OPRM1: variants seen among roughly 807,000 people sequenced by gnomAD.
OPRM1 encodes mu-type opioid receptor.
In OPRM1, 27 loss-of-function variants were observed where a neutral mutation model predicts 31.8. The ratio of observed to expected loss-of-function variants is 0.85; its 90% CI spans 0.63 to 1.17. The LOEUF is 1.17. OPRM1 is among the 50% of genes most tolerant of loss of function. OPRM1 has a pLI of 0.00. For missense variants in OPRM1, 536 were observed against 511.1 expected (o/e 1.05, Z -0.47); for synonymous variants, 196 against 189.9 (o/e 1.03, Z -0.26).
intron 3 of OPRM1, chr6:154,108,633 G>C (rs1795969144): frequency 8.6e-6 from 2 of 231,586 alleles, no homozygotes; most frequent in African/African-American, 4.7e-5. Context: ...TTAATCCAAA[G>C]AGAATAGCAA....
At chr6:154,067,527 T>C (rs1162822152) in intron 1 of OPRM1, among the ~76,000 whole-genome samples, 2 of 151,882 alleles carry the variant, frequency 1.3e-5, no homozygotes, top group East Asian at 1.9e-4. Flanking sequence ...AGATACTGTA[T>C]ATAATATTTA....
At chr6:154,023,282 A>C (rs1383477960) in intron 1 of OPRM1, among the ~76,000 whole-genome samples, 1 of 152,046 alleles carries the variant, frequency 6.6e-6, no homozygotes, top group East Asian at 1.9e-4. Flanking sequence ...TGGTTAATTT[A>C]ACTCCTAGGT....
rs17174794 is a variant in OPRM1 at position 154,089,975 on chromosome 6, C to G, written c.440C>G (p.Ser147Cys). Residue 147 changes from serine (S) to cysteine (C), a missense_variant, in exon 2 of 4, where the codon TCC (serine) becomes TGC (cysteine). By Grantham distance (112) the Ser-to-Cys change is moderately radical (BLOSUM62 -1). Transcript: ENST00000330432. ...FGTILCKIVI[S>C]IDYYNMFTSI... ...ACCATCCTTTGCAAGATAGTGATCT[C>G]CATAGATTACTATAACATGTTCACC... is the stretch of plus-strand genomic sequence containing the variant. 6.2e-3 allele frequency: 9,974 copies of G among 1,613,352 alleles called. 42 individuals are homozygous for G. The highest frequency in any genetic ancestry group is 7.7e-3 in the Non-Finnish European group (9,109 of 1,179,276).
chr6:154,054,061 GTACCTTAGAAT>G (rs1782709431), intron 1 of OPRM1, among the ~76,000 whole-genome samples: 1 of 151,702 alleles, frequency 6.6e-6, no homozygotes, highest in East Asian at 1.9e-4. Context: ...AATCCTGGTG[GTACCTTAGAAT>G]TACCTGGAAA....
intron 1 of OPRM1, among the ~76,000 whole-genome samples, chr6:154,051,136 T>C (rs1782113133): frequency 6.6e-6 from 1 of 152,200 alleles, no homozygotes; most frequent in Admixed American, 6.5e-5. Context: ...GAAAGGAAAC[T>C]TTTACCTAAT....
intron 3 of OPRM1, among the ~76,000 whole-genome samples, chr6:154,180,016 A>G (rs1381879917): frequency 1.3e-5 from 2 of 152,204 alleles, no homozygotes; most frequent in Non-Finnish European, 2.9e-5. Context: ...TTTTTCATGC[A>G]ATGCTAGCCT....
intron 3 of OPRM1, chr6:154,221,417 G>A (rs2128616800): frequency 2.1e-6 from 2 of 961,506 alleles, no homozygotes; most frequent in Non-Finnish European, 3.2e-6. Flanking sequence ...TACAAGCTTT[G>A]TAAACTTGTC....
rs1562498212 is a variant in OPRM1 at position 154,129,495 on chromosome 6, C to G, written c.*10774C>G. 6.6e-6 allele frequency among the ~76,000 whole-genome samples: 1 copy of G among 152,120 alleles called. No individual in the cohort carries two copies. Among genetic ancestry groups the G allele is most frequent in the South Asian group, 2.1e-4 (1 of 4,828 alleles). On this transcript the variant is annotated 3_prime_UTR_variant, in exon 4 of 4. Transcript: ENST00000330432. ...CAATGTGAGAGGGTCTTTCTCTCCT[C>G]TCAATGTCAACATCATATATGATTG... is the stretch of plus-strand genomic sequence containing the variant.
chr6:154,108,125 A>T, intron 3 of OPRM1: 1 of 585,616 alleles, frequency 1.7e-6, no homozygotes, highest in Non-Finnish European at 3.1e-6. Flanking sequence ...GGCTTGCGGC[A>T]CCATCGCCTA....
Position 154,039,689 on chromosome 6 carries a change from C to T in OPRM1, c.145C>T (p.Arg49Cys). 1 of 1,613,986 alleles carries T rather than the reference C, an allele frequency of 6.2e-7. No homozygotes were observed. The highest frequency in any genetic ancestry group is 1.1e-5 in the South Asian group (1 of 91,076). Residue 49 changes from arginine to cysteine, a missense_variant, in exon 1 of 4, where the codon CGC becomes TGC. Coordinates refer to ENST00000330432, the MANE Select transcript of OPRM1 (RefSeq NM_000914.5). ...CCTGTCCGACCCATGCGGTCCGAAC[C>T]GCACCGACCTGGGCGGGAGAGACAG... is the stretch of plus-strand genomic sequence containing the variant. Reference protein sequence around the residue: ...GNLSDPCGPNRTDLGGRDSLC... With the variant: ...GNLSDPCGPNCTDLGGRDSLC...
chr6:154,139,329 C>T (rs528484247), intron 3 of OPRM1, among the ~76,000 whole-genome samples: 37 of 152,256 alleles, frequency 2.4e-4, no homozygotes, highest in African/African-American at 7.9e-4. Context: ...AGATGTGTAC[C>T]AAACATTGGA....
chr6:154,090,541 A>G (rs1791864406), intron 2 of OPRM1, among the ~76,000 whole-genome samples: 1 of 152,222 alleles, frequency 6.6e-6, no homozygotes, highest in Admixed American at 6.5e-5. Context: ...TGGCAAATGT[A>G]TCTTTCTACA....
At chr6:154,203,260 G>C (rs973801704) in intron 3 of OPRM1, among the ~76,000 whole-genome samples, 5 of 152,114 alleles carry the variant, frequency 3.3e-5, no homozygotes, top group Non-Finnish European at 5.9e-5. Context: ...ACCTTCGTGT[G>C]TCTGTTCAAA....
chr6:154,081,894 T>C (rs900243164), intron 1 of OPRM1, among the ~76,000 whole-genome samples: 1 of 152,172 alleles, frequency 6.6e-6, no homozygotes, highest in Non-Finnish European at 1.5e-5. Context: ...CAAAGGTGCC[T>C]CTTTGCTTAG....
chr6:154,203,733 T>C (rs1056915869), intron 3 of OPRM1, among the ~76,000 whole-genome samples: 1 of 152,194 alleles, frequency 6.6e-6, no homozygotes, highest in African/African-American at 2.4e-5. Context: ...GAGAACAGGC[T>C]GGTTTTAATC....
At chr6:154,149,874 G>A (rs897773853) in intron 3 of OPRM1, among the ~76,000 whole-genome samples, 40 of 152,058 alleles carry the variant, frequency 2.6e-4, no homozygotes, top group African/African-American at 9.2e-4. Context: ...TGTTATCCCC[G>A]TTGCTTCTAG....
chr6:154,020,771 T>C (rs1261568669), intron 1 of OPRM1, among the ~76,000 whole-genome samples: 5 of 152,198 alleles, frequency 3.3e-5, no homozygotes, highest in Admixed American at 6.5e-5. Context: ...AATTTGCAAT[T>C]CACTAAGGGC....
intron 3 of OPRM1, among the ~76,000 whole-genome samples, chr6:154,195,147 CTTTT>C (rs10719288): frequency 2.4e-5 from 3 of 122,892 alleles, no homozygotes. Context: ...TCTTTTCTTT[CTTTT>C]TTTTTTTTTT....
intron 3 of OPRM1, among the ~76,000 whole-genome samples, chr6:154,205,739 T>G (rs1247944470): frequency 1.3e-5 from 2 of 152,232 alleles, no homozygotes; most frequent in Non-Finnish European, 2.9e-5. Context: ...ATGAATAAAC[T>G]GCAATTAGGA....
Sources: gnomAD v4.1 joint callset for allele counts (sites outside exome capture counted in the v4.1 genomes callset) on GRCh38, gnomAD v4.1.1 for gene constraint, MANE v1.5 for transcripts, NCBI Gene and HGNC (gene_info 2026-07-23, HGNC 2026-07-21) for gene names.